Variants in PDZD2 observed in about 807,000 individuals in gnomAD.
The protein encoded by PDZD2 is PDZ domain-containing protein 2.
A neutral mutation model predicts 220.7 loss-of-function variants in PDZD2; 90 were observed. The observed-to-expected ratio is 0.41, with a 90% CI of 0.34 to 0.49. The LOEUF (loss-of-function observed/expected upper bound fraction) is 0.49. Among genes scored for constraint, PDZD2 ranks in the 20% least tolerant of loss-of-function variants. The pLI is 0.28. For missense variants in PDZD2, 3,174 were observed against 3,608.5 expected (o/e 0.88, Z 3.08); for synonymous variants, 1,375 against 1,450.5 (o/e 0.95, Z 1.18).
chr5:31,997,688 A>T (rs1317995085), intron 4 of PDZD2, among the ~76,000 whole-genome samples: 1 of 152,066 alleles, frequency 6.6e-6, no homozygotes, highest in South Asian at 2.1e-4. Flanking sequence ...AGCCATTTCT[A>T]TTGGGTCTCA....
At chr5:31,929,407 C>T (rs1561107378) in intron 2 of PDZD2, among the ~76,000 whole-genome samples, 1 of 152,222 alleles carries the variant, frequency 6.6e-6, no homozygotes, top group African/African-American at 2.4e-5. Context: ...CATCTCTGGC[C>T]TCTGCCACTA....
rs765555166 is a variant in PDZD2, at chr5:32,087,875, C to A, written c.4427C>A (p.Pro1476Gln). The change falls in exon 20 of 25, where the codon CCG becomes CAG. Residue 1476 changes from proline (P) to glutamine (Q), a missense_variant. Physicochemically the swap from Pro to Gln is moderately conservative, Grantham distance 76 (BLOSUM62 -1). This residue lies in a region of PDZD2 where 1,861 missense variants were observed against 2,001.0 expected (regional missense o/e 0.93). Transcript: ENST00000438447. This position sits in a 1 kb window ranked among gnomAD's most constrained non-coding sequence, Gnocchi z 4.0. Reference protein sequence around the residue: ...GGSSCRAEPVPGGQTSSPRRA... With the variant: ...GGSSCRAEPVQGGQTSSPRRA... ...AGCTCCTGCCGTGCCGAACCAGTCCCGGGGGGCCAGACCTCCTCCCCGAGG... is the reference window on the plus strand; with the variant it reads ...AGCTCCTGCCGTGCCGAACCAGTCCAGGGGGGCCAGACCTCCTCCCCGAGG... 6.2e-7 allele frequency: 1 copy of A among 1,612,282 alleles called. No individual in the cohort carries two copies. The highest frequency in any genetic ancestry group is 8.5e-7 in the Non-Finnish European group (1 of 1,179,358).
At chr5:31,685,328 T>A (rs67316346) in intron 1 of PDZD2, among the ~76,000 whole-genome samples, 1 of 152,082 alleles carries the variant, frequency 6.6e-6, no homozygotes, top group Non-Finnish European at 1.5e-5. Context: ...AAAAGCAAGC[T>A]AGACTTTTCT....
At chr5:31,665,740 G>A (rs912319896) in intron 1 of PDZD2, among the ~76,000 whole-genome samples, 6 of 143,822 alleles carry the variant, frequency 4.2e-5, no homozygotes, top group South Asian at 4.5e-4. Context: ...TCCCAGCCAC[G>A]CGGAACTGTG....
chr5:31,857,264 C>G (rs1157705175), intron 2 of PDZD2, among the ~76,000 whole-genome samples: 1 of 152,164 alleles, frequency 6.6e-6, no homozygotes, highest in Non-Finnish European at 1.5e-5. Flanking sequence ...CTCTGTCCTC[C>G]TCCGCTTGCC....
chr5:32,022,364 A>ATTTTTT (rs59655326), intron 6 of PDZD2, among the ~76,000 whole-genome samples: 26 of 137,372 alleles, frequency 1.9e-4, no homozygotes, highest in African/African-American at 6.5e-4. Flanking sequence ...CTCACAGCTA[A>ATTTTTT]TTTTTTTTTT....
chr5:31,749,392 C>G (rs185205347), intron 1 of PDZD2, among the ~76,000 whole-genome samples: 115 of 150,552 alleles, frequency 7.6e-4, no homozygotes, highest in African/African-American at 2.7e-3. Flanking sequence ...TTGTGCCTAG[C>G]TGATTCAAGA....
intron 24 of PDZD2, 147 bp downstream of exon 24, chr5:32,101,386 C>A: frequency 1.3e-6 from 1 of 745,588 alleles, no homozygotes; most frequent in Non-Finnish European, 2.2e-6. Context: ...TCTGTATGGA[C>A]ATGTATTAAC....
intron 2 of PDZD2, among the ~76,000 whole-genome samples, chr5:31,926,169 A>G (rs1237123312): frequency 6.6e-6 from 1 of 151,798 alleles, no homozygotes; most frequent in African/African-American, 2.4e-5. Flanking sequence ...GAAGAGAGCT[A>G]TGATTGTGCC....
At chr5:31,822,112 G>C (rs1755908544) in intron 2 of PDZD2, among the ~76,000 whole-genome samples, 1 of 152,058 alleles carries the variant, frequency 6.6e-6, no homozygotes, top group South Asian at 2.1e-4. Context: ...CATTTGGGCT[G>C]GTTCCAAGTC....
At chr5:31,847,136 G>C (rs1182326663) in intron 2 of PDZD2, 1 of 156,134 alleles carries the variant, frequency 6.4e-6, no homozygotes, top group Admixed American at 6.3e-5. Flanking sequence ...CCATCCATAT[G>C]CTGTCTCATA....
intron 1 of PDZD2, among the ~76,000 whole-genome samples, chr5:31,679,243 C>T (rs1259022154): frequency 1.3e-5 from 2 of 152,258 alleles, no homozygotes; most frequent in African/African-American, 4.8e-5. Context: ...TGGATTGGCA[C>T]AGATTCCAGG....
intron 2 of PDZD2, among the ~76,000 whole-genome samples, chr5:31,872,072 A>T (rs947673964): frequency 2.6e-5 from 4 of 152,076 alleles, no homozygotes; most frequent in African/African-American, 9.7e-5. Flanking sequence ...GTACCAACTT[A>T]TCTTTGGGAG....
At chr5:31,840,585 G>T in intron 2 of PDZD2, 1 of 713,772 alleles carries the variant, frequency 1.4e-6, no homozygotes. Flanking sequence ...GAGCAGGCTG[G>T]CACTTCAGTT....
chr5:31,986,206 A>G (rs530922733), intron 3 of PDZD2, among the ~76,000 whole-genome samples: 27 of 152,286 alleles, frequency 1.8e-4, no homozygotes, highest in African/African-American at 3.6e-4. Context: ...AAGAGTGAAA[A>G]CAACCAAACT....
intron 2 of PDZD2, among the ~76,000 whole-genome samples, chr5:31,865,621 C>CTTTTTTT (rs776271275): frequency 2.9e-5 from 2 of 67,798 alleles, no homozygotes; most frequent in African/African-American, 8.2e-5. Flanking sequence ...CTACTGGCAA[C>CTTTTTTT]TTTTTTTTTT....
intron 14 of PDZD2, among the ~76,000 whole-genome samples, chr5:32,067,428 A>G (rs59838720): frequency 0.023 from 3,486 of 152,226 alleles, 133 homozygotes; most frequent in African/African-American, 0.08. Context: ...ATTCTCTACT[A>G]TGTGGAGGGG....
intron 1 of PDZD2, among the ~76,000 whole-genome samples, chr5:31,666,746 C>A (rs1242035883): frequency 6.6e-6 from 1 of 152,136 alleles, no homozygotes; most frequent in Non-Finnish European, 1.5e-5. Flanking sequence ...TCACTGTGAG[C>A]GTAATGATAA....
At chr5:31,940,668 C>G (rs1011610576) in intron 2 of PDZD2, among the ~76,000 whole-genome samples, 4 of 152,190 alleles carry the variant, frequency 2.6e-5, no homozygotes, top group African/African-American at 9.7e-5. Flanking sequence ...CATCTCTTTG[C>G]CTTTCTCATT....
Sources: gnomAD v4.1 joint callset for allele counts (sites outside exome capture counted in the v4.1 genomes callset) on GRCh38, gnomAD v4.1.1 for gene constraint, gnomAD v4.1.1 regional missense constraint, Gnocchi (gnomAD v3.1) non-coding constraint, MANE v1.5 for transcripts, NCBI Gene and HGNC (gene_info 2026-07-23, HGNC 2026-07-21) for gene names.